PPP4R3A: variants seen among roughly 807,000 people sequenced by gnomAD.
PPP4R3A encodes the protein serine/threonine-protein phosphatase 4 regulatory subunit 3A.
Under a neutral mutation model 91.7 loss-of-function variants are expected in PPP4R3A, and 15 were observed. That is an observed-to-expected ratio of 0.16 (90% confidence interval 0.11 to 0.25). The LOEUF (loss-of-function observed/expected upper bound fraction) is 0.25. PPP4R3A is among the 10% of genes least tolerant of loss of function. The pLI is 1.00. For synonymous variants in PPP4R3A, 377 were observed against 348.7 expected (o/e 1.08, Z -0.91); for missense variants, 623 against 998.4 (o/e 0.62, Z 5.07).
chr14:91,473,167 A>G, intron 8 of PPP4R3A, 32 bp from the exon 9 acceptor site: 1 of 1,613,686 alleles, frequency 6.2e-7, no homozygotes, highest in South Asian at 1.1e-5. Flanking sequence ...CATGAACTTT[A>G]ACCACACTGG....
At chr14:91,460,276 G>A (rs1888046074) in intron 14 of PPP4R3A, among the ~76,000 whole-genome samples, 1 of 152,084 alleles carries the variant, frequency 6.6e-6, no homozygotes, top group African/African-American at 2.4e-5. Context: ...ACCTCCCAAA[G>A]CACTGGGATT....
intron 13 of PPP4R3A, 34 bp downstream of exon 13, chr14:91,462,015 T>A (rs2140065456): frequency 2.7e-6 from 4 of 1,464,074 alleles, no homozygotes; most frequent in Non-Finnish European, 3.6e-6. Flanking sequence ...TAAGAAAGCC[T>A]TAATTTTCTC....
chr14:91,462,872 A>G lies in PPP4R3A; in HGVS notation c.1836T>C (p.Asp612=), dbSNP rs1449561462. The G allele has an allele frequency of 1.1e-5, 17 of 1,592,076 alleles. No individual in the cohort carries two copies. The highest frequency in any genetic ancestry group is 1.7e-5 in the Admixed American group (1 of 58,352). ...TTACATGAGCAGTTAATGATTTTAT[A>G]TCTTCCTACAGAAAAGAATAGTAAT... is the stretch of plus-strand genomic sequence containing the variant. ...IEMFEFIRVE[D]IKSLTAHVIE... The change falls in exon 12 of 15, where the codon GAT becomes GAC. Residue 612 remains aspartate (D), a synonymous_variant. Transcript: ENST00000554943.
At chr14:91,504,351 A>C (rs1232308381) in intron 1 of PPP4R3A, among the ~76,000 whole-genome samples, 1 of 151,060 alleles carries the variant, frequency 6.6e-6, no homozygotes, top group African/African-American at 2.4e-5. Flanking sequence ...AGAAAAGAAA[A>C]GAAAAGAAAA....
At chr14:91,476,862 G>T in intron 5 of PPP4R3A, 47 bp downstream of exon 5, 1 of 1,490,136 alleles carries the variant, frequency 6.7e-7, no homozygotes, top group Non-Finnish European at 9.1e-7. Context: ...CACCAAGCCC[G>T]GCCAGTTGTT....
In PPP4R3A at chr14:91,475,927, T is replaced by C. The variant is rs754204744; in HGVS notation, c.1150A>G (p.Ile384Val). The change falls in exon 7 of 15, where the codon ATA becomes GTA. Residue 384 changes from isoleucine (I) to valine (V), a missense_variant. Transcript: ENST00000554943. ...TTATATTCAACCAAGTATGAGAATA[T>C]ATCAGTAGCAGCACTTCGCACCTGT... ...DTQVRSAATD[I>V]FSYLVEYNPS... 11 of 1,609,718 alleles carry C rather than the reference T, an allele frequency of 6.8e-6. No individual in the cohort carries two copies. The highest frequency in any genetic ancestry group is 9.3e-6 in the Non-Finnish European group (11 of 1,179,028).
intron 4 of PPP4R3A, among the ~76,000 whole-genome samples, chr14:91,478,732 ATACTTT>A (rs1426042497): frequency 7.1e-6 from 1 of 139,916 alleles, no homozygotes; most frequent in Non-Finnish European, 1.7e-5. Flanking sequence ...ATTTTAGTTC[ATACTTT>A]TCCTTTTTTT....
chr14:91,499,908 T>C (rs1379126806), intron 1 of PPP4R3A, among the ~76,000 whole-genome samples: 1 of 150,374 alleles, frequency 6.7e-6, no homozygotes, highest in Non-Finnish European at 1.5e-5. Flanking sequence ...TCTTGTAGGG[T>C]GCTACCAACC....
intron 2 of PPP4R3A, among the ~76,000 whole-genome samples, chr14:91,488,016 G>A (rs1434940968): frequency 6.6e-6 from 1 of 152,156 alleles, no homozygotes; most frequent in East Asian, 1.9e-4. Context: ...TAACACAAAT[G>A]GATTCCATGT....
chr14:91,488,204 A>T (rs963294879), intron 2 of PPP4R3A, among the ~76,000 whole-genome samples: 2 of 45,924 alleles, frequency 4.4e-5, no homozygotes, highest in East Asian at 8.9e-4. Context: ...CCCCATCTCT[A>T]AAAAAAAAAA....
At chr14:91,471,810 T>A (rs1239413564) in intron 9 of PPP4R3A, among the ~76,000 whole-genome samples, 1 of 152,102 alleles carries the variant, frequency 6.6e-6, no homozygotes, top group Non-Finnish European at 1.5e-5. Flanking sequence ...ACACCTATAA[T>A]CCCAGCACTT....
chr14:91,494,897 C>T (rs1418767415), intron 1 of PPP4R3A, among the ~76,000 whole-genome samples: 1 of 152,046 alleles, frequency 6.6e-6, no homozygotes, highest in Non-Finnish European at 1.5e-5. Context: ...AAATGAGATA[C>T]CATTTAGTAC....
At chr14:91,496,310 GTT>G (rs1196554530) in intron 1 of PPP4R3A, among the ~76,000 whole-genome samples, 1 of 152,072 alleles carries the variant, frequency 6.6e-6, no homozygotes. Flanking sequence ...CAATTCAAAA[GTT>G]TTTTTAAGTT....
chr14:91,467,037 T>C (rs1416338312), intron 10 of PPP4R3A, among the ~76,000 whole-genome samples: 6 of 152,076 alleles, frequency 3.9e-5, no homozygotes, highest in African/African-American at 1.4e-4. Context: ...CAAGGGAATG[T>C]AGATGGCACC....
intron 1 of PPP4R3A, among the ~76,000 whole-genome samples, chr14:91,498,207 T>C (rs1890704535): frequency 2.0e-5 from 3 of 151,922 alleles, no homozygotes; most frequent in Admixed American, 2.0e-4. Flanking sequence ...TGGTGGTGCA[T>C]GCCTGTAATT....
At chr14:91,486,598 G>A (rs576003491) in intron 2 of PPP4R3A, among the ~76,000 whole-genome samples, 1 of 152,200 alleles carries the variant, frequency 6.6e-6, no homozygotes, top group East Asian at 1.9e-4. Flanking sequence ...AGTACCAAGA[G>A]CATATATTCT....
At chr14:91,500,262 A>T (rs1338286849) in intron 1 of PPP4R3A, among the ~76,000 whole-genome samples, 1 of 152,098 alleles carries the variant, frequency 6.6e-6, no homozygotes, top group African/African-American at 2.4e-5. Flanking sequence ...GTGCGGTGGC[A>T]CGATCTCGGC....
At chr14:91,478,463 T>C (rs904968531) in intron 4 of PPP4R3A, among the ~76,000 whole-genome samples, 5 of 152,240 alleles carry the variant, frequency 3.3e-5, no homozygotes, top group Admixed American at 2.6e-4. Flanking sequence ...GCCAAAACAT[T>C]TGTAAAATGC....
chr14:91,499,440 AT>A (rs1322792864), intron 1 of PPP4R3A, among the ~76,000 whole-genome samples: 1 of 152,104 alleles, frequency 6.6e-6, no homozygotes, highest in Admixed American at 6.6e-5. Flanking sequence ...ACATTAATTG[AT>A]GTCCCAAATA....
Sources: allele counts gnomAD v4.1 joint callset (sites outside exome capture counted in the v4.1 genomes callset), GRCh38; gene constraint gnomAD v4.1.1; transcripts MANE v1.5; gene names NCBI Gene and HGNC (gene_info 2026-07-23, HGNC 2026-07-21).